GSG1L: variants seen among roughly 807,000 people sequenced by gnomAD.
GSG1L encodes the protein germ cell-specific gene 1-like protein.
Under a neutral mutation model 42.1 loss-of-function variants are expected in GSG1L, and 24 were observed. The ratio of observed to expected loss-of-function variants is 0.57; its 90% CI spans 0.41 to 0.80. GSG1L has a LOEUF of 0.80. Ranked by LOEUF, GSG1L falls within the 30% of genes least tolerant of loss-of-function variation. The pLI, the probability that GSG1L is intolerant of heterozygous loss-of-function variation, is 0.00. For synonymous variants in GSG1L, 215 were observed against 203.5 expected, an observed-to-expected ratio of 1.06 and a Z score of -0.48; for missense variants, 445 against 472.2, an observed-to-expected ratio of 0.94 and a Z score of 0.53.
At chr16:27,856,294 CT>C (rs1165540369) in intron 3 of GSG1L, among the ~76,000 whole-genome samples, 2 of 152,144 alleles carry the variant, frequency 1.3e-5, no homozygotes, top group African/African-American at 4.8e-5. Flanking sequence ...GTTTTAGATT[CT>C]TCATGAATGT....
intron 5 of GSG1L, among the ~76,000 whole-genome samples, chr16:27,817,687 C>T (rs2083111303): frequency 6.6e-6 from 1 of 152,028 alleles, no homozygotes; most frequent in South Asian, 2.1e-4. Context: ...TGTCTTGAAC[C>T]AATTTTTTCA....
chr16:27,891,541 T>C (rs2084126430), intron 2 of GSG1L, among the ~76,000 whole-genome samples: 1 of 152,170 alleles, frequency 6.6e-6, no homozygotes, highest in Non-Finnish European at 1.5e-5. Flanking sequence ...GGCTGGATCA[T>C]GGCTCACTGC....
At chr16:27,887,096 C>T (rs1049644156) in intron 2 of GSG1L, among the ~76,000 whole-genome samples, 8 of 152,142 alleles carry the variant, frequency 5.3e-5, no homozygotes, top group African/African-American at 1.9e-4. Context: ...GCTGGGACTA[C>T]AGGCATGCAC....
intron 1 of GSG1L, among the ~76,000 whole-genome samples, chr16:28,023,768 T>C (rs1449108014): frequency 6.6e-6 from 1 of 152,236 alleles, no homozygotes; most frequent in Non-Finnish European, 1.5e-5. Flanking sequence ...TTCACATCTG[T>C]AATCCCAGCA....
At position 28,042,025 on chromosome 16, in the gene GSG1L, G is replaced by T. The variant is rs118158508; in HGVS notation, c.349+21051C>A. On this transcript the variant is annotated intron_variant, in intron 1 of 6. Transcript: ENST00000447459. ...TGGAGGGAATTGTGGTTTTACATTC[G>T]CCATTTCTGTTATGAAAGGAACTAC... Among the ~76,000 whole-genome samples the T allele has an allele frequency of 5.5e-4, 83 of 152,276 alleles. No individual in the cohort carries two copies. The East Asian group carries it at 0.014, about 27-fold the overall frequency.
intron 4 of GSG1L, among the ~76,000 whole-genome samples, chr16:27,830,626 C>T (rs1380992894): frequency 6.6e-6 from 1 of 152,198 alleles, no homozygotes; most frequent in Non-Finnish European, 1.5e-5. Flanking sequence ...CCCGGCCCCT[C>T]TAAGAGCTTC....
intron 3 of GSG1L, among the ~76,000 whole-genome samples, chr16:27,869,822 T>C (rs1424156741): frequency 1.4e-5 from 2 of 147,762 alleles, no homozygotes; most frequent in African/African-American, 2.6e-5. Flanking sequence ...CATCTCTCTC[T>C]CTCTGTCTCC....
chr16:27,904,229 C>T (rs540645065), intron 2 of GSG1L, among the ~76,000 whole-genome samples: 2 of 146,802 alleles, frequency 1.4e-5, no homozygotes, highest in African/African-American at 5.0e-5. Context: ...ACCACCATGC[C>T]TAGCTAATTT....
At chr16:28,046,478 C>T (rs2086160088) in intron 1 of GSG1L, among the ~76,000 whole-genome samples, 1 of 150,996 alleles carries the variant, frequency 6.6e-6, no homozygotes, top group Non-Finnish European at 1.5e-5. Context: ...CTCAGCCTCC[C>T]GAATAGCTCG....
chr16:27,959,490 C>T (rs565870243), intron 2 of GSG1L, among the ~76,000 whole-genome samples: 24 of 107,960 alleles, frequency 2.2e-4, no homozygotes, highest in African/African-American at 7.5e-4. Flanking sequence ...AGAGAGGAGA[C>T]GAGACAAGAC....
chr16:27,989,456 C>T (rs1033463448), intron 1 of GSG1L, among the ~76,000 whole-genome samples: 1 of 151,818 alleles, frequency 6.6e-6, no homozygotes, highest in Non-Finnish European at 1.5e-5. Context: ...TAAAATTATA[C>T]GGACCAGGAG....
At position 27,969,846 on chromosome 16, in the gene GSG1L, C is replaced by G. The variant is rs1469965210; in HGVS notation, c.350-6643G>C. 2.0e-5 allele frequency among the ~76,000 whole-genome samples: 3 copies of G among 152,254 alleles called. No homozygotes were observed. In the East Asian group the frequency reaches 5.8e-4, roughly 29 times the overall value. On this transcript the variant is annotated intron_variant, in intron 1 of 6. Coordinates refer to ENST00000447459, the MANE Select transcript of GSG1L (RefSeq NM_001109763.2). ...CAGCAACATATGAGGATTCCAATTT[C>G]TCCATGTCTTCAGCAACACTTGCTA...
intron 1 of GSG1L, among the ~76,000 whole-genome samples, chr16:28,012,442 A>C (rs1567555486): frequency 6.6e-6 from 1 of 152,160 alleles, no homozygotes; most frequent in Non-Finnish European, 1.5e-5. Flanking sequence ...ACCGGTGACA[A>C]TATTGATTAA....
chr16:27,866,659 C>T (rs925721697), intron 3 of GSG1L, among the ~76,000 whole-genome samples: 1 of 151,796 alleles, frequency 6.6e-6, no homozygotes, highest in African/African-American at 2.4e-5. Flanking sequence ...TCAACCTCCG[C>T]CCCCCAGGTT....
At chr16:27,938,488 G>A (rs1371214163) in intron 2 of GSG1L, among the ~76,000 whole-genome samples, 2 of 100,638 alleles carry the variant, frequency 2.0e-5, no homozygotes, top group Non-Finnish European at 2.2e-5. Context: ...AAATGTCCCT[G>A]GAAACACTGG....
In GSG1L at chr16:27,788,867, A is replaced by G. The variant is rs951823108; in HGVS notation, c.*2503T>C. ...TGAGGAAACAGGCACAGAAAGGTCA[A>G]GTAACTCGCCCAAGGTCACAAGTGG... On this transcript the variant is annotated 3_prime_UTR_variant, in exon 7 of 7. Coordinates refer to ENST00000447459, the MANE Select transcript of GSG1L (RefSeq NM_001109763.2). The G allele has an allele frequency of 1.3e-5, 2 of 152,278 alleles. No individual in the cohort carries two copies. Among genetic ancestry groups the G allele is most frequent in the African/African-American group, 2.4e-5 (1 of 41,466 alleles). 9.4% of individuals were successfully genotyped at this position (152,278 alleles called of 1,614,324 possible).
intron 1 of GSG1L, among the ~76,000 whole-genome samples, chr16:27,979,766 G>GA (rs1355239559): frequency 6.1e-5 from 7 of 114,610 alleles, no homozygotes; most frequent in Middle Eastern, 4.6e-3. Context: ...AAGAAAGAAA[G>GA]AAGGAAAGAA....
At chr16:27,928,102 C>T (rs900260108) in intron 2 of GSG1L, among the ~76,000 whole-genome samples, 3 of 152,206 alleles carry the variant, frequency 2.0e-5, no homozygotes, top group African/African-American at 7.2e-5. Flanking sequence ...ACTTATTCAG[C>T]AAATGCAGAT....
In GSG1L at chr16:27,804,002, AATAG is replaced by A. The variant is rs374219781; in HGVS notation, c.898+3481_898+3484del. Among the ~76,000 whole-genome samples the A allele has an allele frequency of 1.4e-3, 209 of 151,100 alleles. 1 individual carries two copies. The highest frequency in any genetic ancestry group is 4.6e-3 in the African/African-American group (188 of 41,100). ...ATGGATAGATGATTGACAGATGAATAATAGATGGATGATGGATGAATAGATAGAT... is the reference window on the plus strand; with the variant it reads ...ATGGATAGATGATTGACAGATGAATAATGGATGATGGATGAATAGATAGAT... On this transcript the variant is annotated intron_variant, in intron 6 of 6. Coordinates refer to ENST00000447459, the MANE Select transcript of GSG1L (RefSeq NM_001109763.2).
Sources: allele counts gnomAD v4.1 joint callset (sites outside exome capture counted in the v4.1 genomes callset), GRCh38; gene constraint gnomAD v4.1.1; transcripts MANE v1.5; gene names NCBI Gene and HGNC (gene_info 2026-07-23, HGNC 2026-07-21).